Variants in PDE4D observed in about 807,000 individuals in gnomAD.
PDE4D encodes 3',5'-cyclic-AMP phosphodiesterase 4D.
In PDE4D, 24 loss-of-function variants were observed where a neutral mutation model predicts 87.4. That is an observed-to-expected ratio of 0.27 (90% CI 0.20 to 0.39). The LOEUF (loss-of-function observed/expected upper bound fraction) is 0.39, where lower values mean the gene tolerates loss of function less well. Among genes scored for constraint, PDE4D ranks in the 10% least tolerant of loss-of-function variants. PDE4D has a pLI of 1.00. For synonymous variants in PDE4D, 384 were observed against 383.2 expected, an observed-to-expected ratio of 1.00 and a Z score of -0.02; for missense variants, 714 against 1,041.0, an observed-to-expected ratio of 0.69 and a Z score of 4.32.
chr5:60,044,239 G>A (rs1006545004), intron 2 of PDE4D, among the ~76,000 whole-genome samples: 3 of 151,916 alleles, frequency 2.0e-5, no homozygotes, highest in African/African-American at 7.3e-5. Flanking sequence ...TATATTGTAT[G>A]TATCAAAATT....
At position 59,559,392 on chromosome 5, in the gene PDE4D, T is replaced by C. The variant is rs1260055904; in HGVS notation, c.455+333776A>G. ...ATTTGGGACCCACTGGTATGTGGGA[T>C]TCATTACAATGTTCTTCAAAATTAT... is the stretch of plus-strand genomic sequence containing the variant. On this transcript the variant is annotated intron_variant, in intron 1 of 14. Transcript: ENST00000340635. Among the ~76,000 whole-genome samples, 9 of 152,338 alleles carry C rather than the reference T, an allele frequency of 5.9e-5. No homozygotes were observed. The South Asian group carries it at 1.4e-3, about 25-fold the overall frequency.
chr5:59,374,595 T>C (rs1480492371), intron 1 of PDE4D, among the ~76,000 whole-genome samples: 1 of 152,020 alleles, frequency 6.6e-6, no homozygotes, highest in Non-Finnish European at 1.5e-5. Flanking sequence ...CTTTAACATA[T>C]CACTGAAAAT....
intron 1 of PDE4D, among the ~76,000 whole-genome samples, chr5:59,879,387 CTT>C (rs1161322610): frequency 6.6e-6 from 1 of 152,194 alleles, no homozygotes; most frequent in Admixed American, 6.5e-5. Context: ...GAACTACTCT[CTT>C]AGGCTACTGT....
intron 1 of PDE4D, among the ~76,000 whole-genome samples, chr5:59,509,554 T>A (rs2153667954): frequency 6.6e-6 from 1 of 151,580 alleles, no homozygotes; most frequent in Middle Eastern, 3.4e-3. Context: ...AGAACAAAAA[T>A]CTATTCTTTT....
intron 2 of PDE4D, among the ~76,000 whole-genome samples, chr5:60,173,372 A>C (rs1582961316): frequency 6.6e-6 from 1 of 152,268 alleles, no homozygotes; most frequent in African/African-American, 2.4e-5. Flanking sequence ...TAGTATATGG[A>C]AACTTAAAAG....
intron 3 of PDE4D, among the ~76,000 whole-genome samples, chr5:59,982,758 A>T (rs1036326050): frequency 1.3e-5 from 2 of 152,206 alleles, no homozygotes; most frequent in Non-Finnish European, 2.9e-5. Context: ...CTGAAACAGG[A>T]GCCAATTTCT....
In PDE4D at chr5:60,035,161, C is replaced by G. The variant is rs573600953; in HGVS notation, c.43-46444G>C. Among the ~76,000 whole-genome samples the G allele has an allele frequency of 3.3e-5, 5 of 151,544 alleles. No individual in the cohort carries two copies. In the South Asian group the frequency reaches 1.0e-3, roughly 32 times the overall value. On this transcript the variant is annotated intron_variant, in intron 2 of 16. Transcript: ENST00000502484. ...GTCCCAGCTACTCGGGAGGCTGAGGCAGGAGAATTGCTTGAACCCAGGAGG... is the reference window on the plus strand; with the variant it reads ...GTCCCAGCTACTCGGGAGGCTGAGGGAGGAGAATTGCTTGAACCCAGGAGG...
At chr5:60,205,819 G>A (rs530672800) in intron 1 of PDE4D, among the ~76,000 whole-genome samples, 211 of 152,014 alleles carry the variant, frequency 1.4e-3, no homozygotes, top group Non-Finnish European at 2.5e-3. Context: ...CCTGGGAGGC[G>A]GGGGTTGCAG....
At chr5:59,411,841 C>T (rs754065238) in intron 1 of PDE4D, among the ~76,000 whole-genome samples, 7 of 152,226 alleles carry the variant, frequency 4.6e-5, no homozygotes, top group African/African-American at 9.6e-5. Context: ...CTTAACACTA[C>T]GCCAAATGTA....
At chr5:60,158,821 G>T (rs933848276) in intron 2 of PDE4D, among the ~76,000 whole-genome samples, 10 of 152,022 alleles carry the variant, frequency 6.6e-5, no homozygotes, top group African/African-American at 2.2e-4. Context: ...CGCCCGCCTC[G>T]GCCTCCCAAA....
intron 3 of PDE4D, among the ~76,000 whole-genome samples, chr5:59,928,814 G>T (rs1035559001): frequency 6.9e-6 from 1 of 145,922 alleles, no homozygotes; most frequent in Non-Finnish European, 1.5e-5. Context: ...ACCTTAAAAT[G>T]CTCCATTTCT....
chr5:59,584,762 GTAGCAAGGTACACT>G (rs1165982067), intron 1 of PDE4D, among the ~76,000 whole-genome samples: 4 of 152,168 alleles, frequency 2.6e-5, no homozygotes, highest in African/African-American at 9.7e-5. Context: ...CTGTTGCTTT[GTAGCAAGGTACACT>G]TGATAGAAAG....
chr5:59,897,777 C>T (rs2152760050), upstream of PDE4D, among the ~76,000 whole-genome samples: 1 of 152,116 alleles, frequency 6.6e-6, no homozygotes, highest in Admixed American at 6.5e-5. Context: ...ATCTTGATGC[C>T]CAACAGTCAG....
intron 6 of PDE4D, among the ~76,000 whole-genome samples, chr5:59,008,096 G>T (rs149157511): frequency 6.6e-6 from 1 of 152,090 alleles, no homozygotes; most frequent in East Asian, 1.9e-4. Context: ...CCTAAAACCA[G>T]CAGCAGCAGC....
intron 2 of PDE4D, among the ~76,000 whole-genome samples, chr5:59,997,114 T>C (rs958148053): frequency 9.2e-5 from 14 of 152,322 alleles, no homozygotes; most frequent in African/African-American, 3.1e-4. Context: ...GTAAATAGCA[T>C]TGTACATTTC....
intron 1 of PDE4D, among the ~76,000 whole-genome samples, chr5:60,458,386 C>CAAAAAAAAAAA (rs61006284): frequency 1.3e-5 from 1 of 75,182 alleles, no homozygotes; most frequent in Admixed American, 1.5e-4. Context: ...GACTTCATTG[C>CAAAAAAAAAAA]AAAAAAAAAA....
intron 1 of PDE4D, among the ~76,000 whole-genome samples, chr5:59,702,609 C>CT (rs933093166): frequency 6.6e-6 from 1 of 151,778 alleles, no homozygotes; most frequent in African/African-American, 2.4e-5. Flanking sequence ...CCTCTAATAC[C>CT]TGTAATGCCC....
intron 1 of PDE4D, among the ~76,000 whole-genome samples, chr5:59,784,818 T>C (rs1764995470): frequency 6.6e-6 from 1 of 152,166 alleles, no homozygotes; most frequent in Non-Finnish European, 1.5e-5. Flanking sequence ...AATTGAATCA[T>C]GGGGGCAATT....
At chr5:59,680,960 T>A (rs541121778) in intron 1 of PDE4D, among the ~76,000 whole-genome samples, 2 of 152,244 alleles carry the variant, frequency 1.3e-5, no homozygotes, top group South Asian at 4.1e-4. Context: ...TGGGTATGCA[T>A]ATATATGCAC....
Sources: gnomAD v4.1 joint callset for allele counts (sites outside exome capture counted in the v4.1 genomes callset) on GRCh38, gnomAD v4.1.1 for gene constraint, MANE v1.5 for transcripts, NCBI Gene and HGNC (gene_info 2026-07-23, HGNC 2026-07-21) for gene names.